RIMKLA: variants seen among roughly 807,000 people sequenced by gnomAD.
RIMKLA encodes the protein ribosomal modification protein rimK like family member A, also known as N-acetylaspartylglutamate synthase A.
RIMKLA carries 14 observed loss-of-function variants against 32.7 expected under a neutral mutation model. The ratio of observed to expected loss-of-function variants is 0.43; its 90% confidence interval spans 0.28 to 0.67. The LOEUF (loss-of-function observed/expected upper bound fraction) is 0.67. Ranked by LOEUF, RIMKLA falls within the 30% of genes least tolerant of loss-of-function variation. RIMKLA has a pLI of 0.18. For synonymous variants in RIMKLA, 176 were observed against 204.1 expected (o/e 0.86, Z 1.18); for missense variants, 410 against 519.0 (o/e 0.79, Z 2.04).
chr1:42,398,480 A>G (rs1643066345), intron 1 of RIMKLA, among the ~76,000 whole-genome samples: 1 of 152,088 alleles, frequency 6.6e-6, no homozygotes, highest in African/African-American at 2.4e-5. Context: ...TGGAAAATAC[A>G]GACAAGTATA....
chr1:42,384,535 A>G (rs1422902465), intron 1 of RIMKLA, among the ~76,000 whole-genome samples: 1 of 142,296 alleles, frequency 7.0e-6, no homozygotes, highest in Admixed American at 7.0e-5. Context: ...ATATATACAT[A>G]TATATGTATA....
intron 1 of RIMKLA, among the ~76,000 whole-genome samples, chr1:42,391,832 A>C (rs1643002368): frequency 6.6e-6 from 1 of 152,032 alleles, no homozygotes; most frequent in East Asian, 1.9e-4. Context: ...ATGAGGGAGG[A>C]AGGTTTGCCA....
intron 1 of RIMKLA, among the ~76,000 whole-genome samples, chr1:42,396,234 C>T (rs1304325138): frequency 2.4e-5 from 1 of 41,198 alleles, no homozygotes; most frequent in Non-Finnish European, 4.4e-5. Context: ...GAAACTCCAT[C>T]TCAAAAAAAA....
intron 4 of RIMKLA, 71 bp from the exon 5 acceptor site, chr1:42,414,413 C>A: frequency 6.6e-7 from 1 of 1,519,592 alleles, no homozygotes; most frequent in Non-Finnish European, 9.0e-7. Flanking sequence ...CTGGGCAGAT[C>A]CCTGTCTCTT....
intron 4 of RIMKLA, among the ~76,000 whole-genome samples, chr1:42,413,300 G>A (rs775994368): frequency 2.0e-4 from 30 of 151,838 alleles, no homozygotes; most frequent in Non-Finnish European, 3.8e-4. Flanking sequence ...TCAGGAGTTC[G>A]AAATTAGCCT....
chr1:42,412,582 C>T (rs191273586), intron 4 of RIMKLA: 21 of 506,586 alleles, frequency 4.1e-5, no homozygotes, highest in Admixed American at 3.6e-4. Context: ...CTGTTCACTC[C>T]CCACTTGTTT....
rs761013752 is a variant in RIMKLA at position 42,416,757 on chromosome 1, A to G, written c.*1783A>G. 6.6e-6 allele frequency: 1 copy of G among 152,248 alleles called. No homozygotes were observed. Among genetic ancestry groups the G allele is most frequent in the Admixed American group, 6.5e-5 (1 of 15,290 alleles). The allele number at this position is 152,248 out of a possible 1,614,324, so 9.4% of individuals were successfully genotyped here. ...TAAAGTTAAGCTATTGCATTTTTTC[A>G]TAACACATTTAAATAGAAATTGGCT... On this transcript the variant is annotated 3_prime_UTR_variant, in exon 5 of 5. Transcript: ENST00000431473.
At chr1:42,398,025 C>T (rs1005853952) in intron 1 of RIMKLA, among the ~76,000 whole-genome samples, 1 of 152,186 alleles carries the variant, frequency 6.6e-6, no homozygotes, top group Non-Finnish European at 1.5e-5. Context: ...TTGGCCCTTA[C>T]ATCCTAAGGG....
At chr1:42,407,417 C>T (rs1425740302) in intron 3 of RIMKLA, among the ~76,000 whole-genome samples, 1 of 152,090 alleles carries the variant, frequency 6.6e-6, no homozygotes, top group Non-Finnish European at 1.5e-5. Flanking sequence ...GCCACACAGA[C>T]TTACATTTAT....
chr1:42,386,699 A>C (rs1642950893), intron 1 of RIMKLA, among the ~76,000 whole-genome samples: 1 of 140,126 alleles, frequency 7.1e-6, no homozygotes. Flanking sequence ...AACATGGTGA[A>C]ACCCCGTCTC....
At chr1:42,402,105 A>G (rs1365206916) in intron 2 of RIMKLA, among the ~76,000 whole-genome samples, 1 of 152,060 alleles carries the variant, frequency 6.6e-6, no homozygotes, top group Non-Finnish European at 1.5e-5. Context: ...TCACGGCCTC[A>G]TTTTCTTTTT....
rs144751698 is a variant in RIMKLA at position 42,395,805 on chromosome 1, T to C, written c.164-3599T>C. On this transcript the variant is annotated intron_variant, in intron 1 of 4. Transcript: ENST00000431473. ...GCCGAGGGCCAGCCTTAAACCCAAA[T>C]TGTCCTTGGCCATGGCTGTGTATAA... Among the ~76,000 whole-genome samples, 399 of 152,296 alleles carry C rather than the reference T, an allele frequency of 2.6e-3. 4 individuals are homozygous for C. Among genetic ancestry groups the C allele is most frequent in the African/African-American group, 6.8e-3 (282 of 41,560 alleles).
chr1:42,404,821 C>G (rs766101092), intron 3 of RIMKLA, among the ~76,000 whole-genome samples: 1 of 152,194 alleles, frequency 6.6e-6, no homozygotes, highest in Non-Finnish European at 1.5e-5. Flanking sequence ...GATCAGTTTC[C>G]CTAACTCCAC....
intron 4 of RIMKLA, among the ~76,000 whole-genome samples, chr1:42,413,369 C>G (rs940418492): frequency 6.6e-6 from 1 of 150,846 alleles, no homozygotes; most frequent in African/African-American, 2.4e-5. Context: ...GGTGTAGTGG[C>G]GGGCGCCTGT....
intron 1 of RIMKLA, among the ~76,000 whole-genome samples, chr1:42,388,709 G>C (rs1293555427): frequency 6.6e-6 from 1 of 150,876 alleles, no homozygotes; most frequent in Non-Finnish European, 1.5e-5. Flanking sequence ...GTAGAGATGG[G>C]GTTTCACCAT....
intron 1 of RIMKLA, among the ~76,000 whole-genome samples, chr1:42,388,183 G>A (rs554473409): frequency 2.3e-4 from 35 of 152,090 alleles, no homozygotes; most frequent in Non-Finnish European, 3.8e-4. Flanking sequence ...TTTTACTCTG[G>A]ATGAGCTGGG....
At chr1:42,384,543 A>ATATATATGTGTG (rs1220683457) in intron 1 of RIMKLA, among the ~76,000 whole-genome samples, 3 of 139,608 alleles carry the variant, frequency 2.1e-5, no homozygotes, top group African/African-American at 8.4e-5. Flanking sequence ...ATATATATGT[A>ATATATATGTGTG]TATATATGTG....
intron 1 of RIMKLA, among the ~76,000 whole-genome samples, chr1:42,391,814 CGAGGGAGAT>C (rs1557752041): frequency 6.6e-6 from 1 of 151,974 alleles, no homozygotes; most frequent in East Asian, 1.9e-4. Flanking sequence ...TGTGAGATGG[CGAGGGAGAT>C]GAGGGAGGAA....
rs925001223 is a variant in RIMKLA at position 42,422,785 on chromosome 1, C to T, written c.*7811C>T. Reference sequence around the variant, plus strand: ...TTTCCTTTCAAACGCAGAGTGCCGTCTGAATTGTAATACTGCCAACTCTCA... The same window carrying T: ...TTTCCTTTCAAACGCAGAGTGCCGTTTGAATTGTAATACTGCCAACTCTCA... On this transcript the variant is annotated 3_prime_UTR_variant, in exon 5 of 5. Transcript: ENST00000431473. Among the ~76,000 whole-genome samples, 12 of 152,208 alleles carry T rather than the reference C, an allele frequency of 7.9e-5. No homozygotes were observed. The highest frequency in any genetic ancestry group is 2.9e-4 in the African/African-American group (12 of 41,458).
Sources: gnomAD v4.1 joint callset for allele counts (sites outside exome capture counted in the v4.1 genomes callset) on GRCh38, gnomAD v4.1.1 for gene constraint, MANE v1.5 for transcripts, NCBI Gene and HGNC (gene_info 2026-07-23, HGNC 2026-07-21) for gene names.